Variants in SGCZ observed in about 807,000 individuals in gnomAD.
The protein encoded by SGCZ is sarcoglycan zeta, also known as zeta-sarcoglycan.
Under a neutral mutation model 41.3 loss-of-function variants are expected in SGCZ, and 40 were observed. The ratio of observed to expected loss-of-function variants is 0.97; its 90% CI spans 0.75 to 1.26. The LOEUF is 1.26. Ranked by LOEUF, SGCZ falls within the 50% of genes most tolerant of loss-of-function variation. The pLI, the probability that SGCZ is intolerant of heterozygous loss-of-function variation, is 0.00. For synonymous variants in SGCZ, 206 were observed against 137.5 expected (o/e 1.50, Z -3.49); for missense variants, 552 against 369.8 (o/e 1.49, Z -4.04).
At chr8:14,793,106 T>G (rs2130475259) in intron 1 of SGCZ, among the ~76,000 whole-genome samples, 1 of 152,336 alleles carries the variant, frequency 6.6e-6, no homozygotes, top group African/African-American at 2.4e-5. Context: ...TTAGGAAAAC[T>G]ATACTCACAC....
intron 7 of SGCZ, among the ~76,000 whole-genome samples, chr8:14,094,740 A>T (rs4831530): frequency 0.64 from 97,085 of 151,954 alleles, 33,085 homozygotes; most frequent in East Asian, 0.96. Context: ...GAACTAATTT[A>T]CACTCCCACC....
At chr8:14,916,130 C>G (rs1419915898) in intron 1 of SGCZ, among the ~76,000 whole-genome samples, 1 of 152,142 alleles carries the variant, frequency 6.6e-6, no homozygotes, top group Non-Finnish European at 1.5e-5. Context: ...TTTTGCGTAG[C>G]AGATAAATTT....
intron 5 of SGCZ, among the ~76,000 whole-genome samples, chr8:14,117,939 T>G (rs1802576339): frequency 6.6e-6 from 1 of 151,286 alleles, no homozygotes; most frequent in South Asian, 2.1e-4. Flanking sequence ...TTGCTTAGTA[T>G]TCCATGGTTT....
intron 1 of SGCZ, among the ~76,000 whole-genome samples, chr8:14,745,204 C>G (rs867118993): frequency 9.0e-6 from 1 of 111,146 alleles, no homozygotes; most frequent in Non-Finnish European, 1.7e-5. Flanking sequence ...GATTTTAACA[C>G]TACTGTGTGT....
intron 1 of SGCZ, among the ~76,000 whole-genome samples, chr8:14,730,563 A>G (rs978418399): frequency 6.6e-6 from 1 of 151,960 alleles, no homozygotes; most frequent in Non-Finnish European, 1.5e-5. Context: ...ATACAACCCT[A>G]AAAGAATCCT....
At chr8:14,950,905 G>C (rs886809976) in intron 1 of SGCZ, among the ~76,000 whole-genome samples, 11 of 152,102 alleles carry the variant, frequency 7.2e-5, no homozygotes, top group Non-Finnish European at 1.5e-4. Flanking sequence ...AATTTAAATG[G>C]AAAGAGCCAA....
chr8:14,805,726 G>A (rs9650377), intron 1 of SGCZ, among the ~76,000 whole-genome samples: 15 of 151,960 alleles, frequency 9.9e-5, no homozygotes, highest in Admixed American at 2.0e-4. Context: ...TGTACCAAGC[G>A]GACGTAATAG....
intron 4 of SGCZ, among the ~76,000 whole-genome samples, chr8:14,215,192 AAATC>A (rs1335414103): frequency 6.6e-6 from 1 of 152,220 alleles, no homozygotes; most frequent in Non-Finnish European, 1.5e-5. Context: ...ATCAAACTAG[AAATC>A]AATATTAGAA....
intron 1 of SGCZ, among the ~76,000 whole-genome samples, chr8:14,694,777 T>A (rs1422921099): frequency 1.3e-5 from 2 of 152,208 alleles, no homozygotes; most frequent in Non-Finnish European, 2.9e-5. Context: ...AATGTTCTTT[T>A]CACATTTCTA....
At chr8:14,702,925 G>A (rs959317864) in intron 1 of SGCZ, among the ~76,000 whole-genome samples, 17 of 125,972 alleles carry the variant, frequency 1.3e-4, no homozygotes, top group South Asian at 5.8e-4. Context: ...AGTTAGGTAG[G>A]TAGATAGATA....
chr8:14,940,454 A>T (rs1800233764), intron 1 of SGCZ, among the ~76,000 whole-genome samples: 1 of 152,172 alleles, frequency 6.6e-6, no homozygotes, highest in Admixed American at 6.6e-5. Flanking sequence ...TGCAGCAAAA[A>T]ATATACAACA....
chr8:15,187,998 T>G (rs1380133965), intron 1 of SGCZ, among the ~76,000 whole-genome samples: 2 of 152,014 alleles, frequency 1.3e-5, no homozygotes, highest in African/African-American at 4.8e-5. Context: ...ATAATTACAT[T>G]TTATTGAAAC....
intron 1 of SGCZ, among the ~76,000 whole-genome samples, chr8:14,828,575 T>G (rs1316769109): frequency 1.3e-5 from 2 of 152,136 alleles, no homozygotes; most frequent in African/African-American, 2.4e-5. Context: ...CATGACTTCA[T>G]CCAGTACAGT....
intron 2 of SGCZ, among the ~76,000 whole-genome samples, chr8:14,363,465 T>A (rs1486657965): frequency 4.6e-5 from 7 of 152,194 alleles, no homozygotes; most frequent in Non-Finnish European, 1.5e-5. Flanking sequence ...CCGTAGGTAA[T>A]AAGCCCAAGA....
intron 1 of SGCZ, among the ~76,000 whole-genome samples, chr8:14,611,652 G>A (rs11203644): frequency 0.61 from 93,080 of 151,946 alleles, 28,671 homozygotes; most frequent in East Asian, 0.72. Context: ...GAAGCCATAA[G>A]CCTCCAATAT....
chr8:14,730,681 A>T (rs960195674), intron 1 of SGCZ, among the ~76,000 whole-genome samples: 1 of 151,772 alleles, frequency 6.6e-6, no homozygotes, highest in Non-Finnish European at 1.5e-5. Flanking sequence ...GATCTTTATT[A>T]TGTCACCGGG....
intron 1 of SGCZ, among the ~76,000 whole-genome samples, chr8:14,781,871 T>C (rs947550476): frequency 1.3e-5 from 2 of 152,190 alleles, no homozygotes; most frequent in Non-Finnish European, 2.9e-5. Flanking sequence ...AAATATCTCA[T>C]GTAATTTATT....
At position 14,348,721 on chromosome 8, in the gene SGCZ, G is replaced by C. The variant is rs145239606; in HGVS notation, c.235-24517C>G. On this transcript the variant is annotated intron_variant, in intron 2 of 7. Coordinates refer to ENST00000382080, the MANE Select transcript of SGCZ (RefSeq NM_139167.4). ...ACATGAAAATTCAAAAGCTGATTTG[G>C]TGTAAGAAGAACATAATCTATATTC... is the stretch of plus-strand genomic sequence containing the variant. 4.6e-5 allele frequency among the ~76,000 whole-genome samples: 7 copies of C among 152,178 alleles called. No homozygotes were observed. In the South Asian group the frequency reaches 1.2e-3, roughly 27 times the overall value.
intron 2 of SGCZ, among the ~76,000 whole-genome samples, chr8:14,475,442 A>G (rs1801330984): frequency 6.6e-6 from 1 of 151,594 alleles, no homozygotes; most frequent in African/African-American, 2.4e-5. Context: ...TTTTTAAAGG[A>G]TCATATCCAT....
Sources: allele counts gnomAD v4.1 joint callset (sites outside exome capture counted in the v4.1 genomes callset), GRCh38; gene constraint gnomAD v4.1.1; transcripts MANE v1.5; gene names NCBI Gene and HGNC (gene_info 2026-07-23, HGNC 2026-07-21).